The following RNF13 variants were observed in gnomAD, a reference collection of about 807,000 sequenced individuals.
RNF13 encodes E3 ubiquitin-protein ligase RNF13.
A neutral mutation model predicts 37.7 loss-of-function variants in RNF13; 19 were observed. The ratio of observed to expected loss-of-function variants is 0.50; its 90% CI spans 0.35 to 0.74. The LOEUF is 0.74. Ranked by LOEUF, RNF13 falls within the 30% of genes least tolerant of loss-of-function variation. RNF13 has a pLI of 0.01. For missense variants in RNF13, 375 were observed against 453.0 expected (o/e 0.83, Z 1.56); for synonymous variants, 144 against 157.8 (o/e 0.91, Z 0.65).
intron 1 of RNF13, among the ~76,000 whole-genome samples, chr3:149,835,634 T>TGTGA (rs140844470): frequency 7.8e-5 from 1 of 12,802 alleles, no homozygotes; most frequent in Non-Finnish European, 3.1e-4. Flanking sequence ...AGTATTCCAT[T>TGTGA]GTGTGTGTGT....
intron 6 of RNF13, among the ~76,000 whole-genome samples, chr3:149,906,404 A>G (rs1424748500): frequency 6.6e-6 from 1 of 152,146 alleles, no homozygotes; most frequent in East Asian, 1.9e-4. Context: ...CACTTTGAGG[A>G]ACTGCCAGAC....
chr3:149,872,472 T>C (rs982738387), intron 4 of RNF13, among the ~76,000 whole-genome samples: 5 of 152,226 alleles, frequency 3.3e-5, no homozygotes, highest in Admixed American at 6.5e-5. Flanking sequence ...TGTGTCTACA[T>C]TGTCATTGAG....
At chr3:149,815,189 T>C (rs1719305220) in intron 1 of RNF13, among the ~76,000 whole-genome samples, 2 of 152,178 alleles carry the variant, frequency 1.3e-5, no homozygotes, top group South Asian at 4.1e-4. Context: ...ATCAGAACTT[T>C]TACAGGCACT....
intron 7 of RNF13, among the ~76,000 whole-genome samples, chr3:149,915,282 T>A (rs1389409398): frequency 6.6e-6 from 1 of 152,190 alleles, no homozygotes; most frequent in African/African-American, 2.4e-5. Flanking sequence ...ATAGATTAAT[T>A]TTTTATACTT....
rs1722613350 is a variant in RNF13 at position 149,846,058 on chromosome 3, C to T, written c.32C>T (p.Ser11Leu). The T allele has an allele frequency of 6.2e-7, 1 of 1,612,134 alleles. No individual in the cohort carries two copies. Among genetic ancestry groups the T allele is most frequent in the South Asian group, 1.1e-5 (1 of 90,992 alleles). The stretch of plus-strand genomic sequence containing the variant: ...CTCTCCATAGGGATGCTCATGCTGT[C>T]AGCCACACAAGTCTACACCATCTTG... MLLSIGMLMLSATQVYTILTV... is the reference protein window; with the variant it reads MLLSIGMLMLLATQVYTILTV... The change falls in exon 2 of 10, where the codon TCA becomes TTA. Residue 11 changes from serine to leucine, a missense_variant. Ser to Leu is a moderately radical substitution (Grantham distance 145, BLOSUM62 -2). Coordinates refer to ENST00000392894, the MANE Select transcript of RNF13 (RefSeq NM_183381.3).
chr3:149,861,757 T>G (rs1170424206), intron 3 of RNF13, among the ~76,000 whole-genome samples: 1 of 152,162 alleles, frequency 6.6e-6, no homozygotes, highest in Admixed American at 6.5e-5. Flanking sequence ...ATGTATTAAG[T>G]ATATTTTGAA....
intron 8 of RNF13, among the ~76,000 whole-genome samples, chr3:149,953,319 T>C (rs1721522926): frequency 6.6e-6 from 1 of 152,236 alleles, no homozygotes. Flanking sequence ...AGTCATCTGA[T>C]TGTTTTAGCG....
At chr3:149,883,249 TC>T (rs201611628) in intron 4 of RNF13, among the ~76,000 whole-genome samples, 2,315 of 152,252 alleles carry the variant, frequency 0.015, 17 homozygotes, top group Non-Finnish European at 0.023. Flanking sequence ...AGCTCTTGAT[TC>T]TTTTTTTCCT....
At chr3:149,929,955 T>G (rs186900638) in intron 8 of RNF13, among the ~76,000 whole-genome samples, 7 of 152,332 alleles carry the variant, frequency 4.6e-5, no homozygotes, top group Non-Finnish European at 1.0e-4. Context: ...AAATGGAGTC[T>G]TGCTCTGTTG....
At chr3:149,927,383 A>G (rs572771861) in intron 8 of RNF13, among the ~76,000 whole-genome samples, 126 of 152,356 alleles carry the variant, frequency 8.3e-4, no homozygotes, top group African/African-American at 3.0e-3. Flanking sequence ...TTATTCATTC[A>G]TCTATTAGCG....
intron 8 of RNF13, among the ~76,000 whole-genome samples, chr3:149,950,853 G>A (rs1307534648): frequency 6.6e-6 from 1 of 152,098 alleles, no homozygotes; most frequent in African/African-American, 2.4e-5. Context: ...CCCAGAATTA[G>A]GTGGGACAAG....
rs532685377 is a variant in RNF13, at chr3:149,813,272, C to G, written c.-98C>G. 6.6e-6 allele frequency: 1 copy of G among 152,418 alleles called. No homozygotes were observed. The highest frequency in any genetic ancestry group is 1.5e-5 in the Non-Finnish European group (1 of 68,120). 9.4% of individuals were successfully genotyped at this position (152,418 alleles called of 1,614,324 possible). On this transcript the variant is annotated 5_prime_UTR_variant, in exon 1 of 10. Coordinates refer to ENST00000392894, the MANE Select transcript of RNF13 (RefSeq NM_183381.3). ...GGCTGTGGGGGTCGGTGCGGATATTCAGTCATGAAATCAGGGTAGGGACTT... is the reference window on the plus strand; with the variant it reads ...GGCTGTGGGGGTCGGTGCGGATATTGAGTCATGAAATCAGGGTAGGGACTT...
At chr3:149,928,242 A>G (rs1286207635) in intron 8 of RNF13, among the ~76,000 whole-genome samples, 3 of 152,072 alleles carry the variant, frequency 2.0e-5, no homozygotes, top group African/African-American at 7.2e-5. Context: ...CTAAGAATAC[A>G]CTGTCAAATC....
At chr3:149,902,299 C>A in intron 6 of RNF13, 137 bp downstream of exon 6, 1 of 459,582 alleles carries the variant, frequency 2.2e-6, no homozygotes. Context: ...AATCATTATG[C>A]TTTTAAGACG....
chr3:149,866,417 A>G lies in RNF13; in HGVS notation c.196-5612A>G, dbSNP rs546769853. Among the ~76,000 whole-genome samples the G allele has an allele frequency of 4.6e-5, 7 of 152,266 alleles. No individual in the cohort carries two copies. In the East Asian group the frequency reaches 1.4e-3, roughly 29 times the overall value. ...TGTAAAGTGTCATGGCGCTGGTGGG[A>G]GTGTAGCAGTGAGGAAGACCAGAGG... On this transcript the variant is annotated intron_variant, in intron 3 of 9. Transcript: ENST00000392894.
At chr3:149,856,058 A>G (rs1723615460) in intron 3 of RNF13, among the ~76,000 whole-genome samples, 1 of 151,968 alleles carries the variant, frequency 6.6e-6, no homozygotes, top group African/African-American at 2.4e-5. Context: ...TTACTGTGCT[A>G]CTATAAATTT....
intron 3 of RNF13, among the ~76,000 whole-genome samples, chr3:149,865,348 A>ATATATATATG (rs1327517532): frequency 3.4e-5 from 5 of 148,988 alleles, no homozygotes; most frequent in Admixed American, 2.0e-4. Context: ...ATATATATAT[A>ATATATATATG]TATGTATAAA....
At chr3:149,877,545 T>A (rs1345321967) in intron 4 of RNF13, among the ~76,000 whole-genome samples, 1 of 150,350 alleles carries the variant, frequency 6.7e-6, no homozygotes, top group Non-Finnish European at 1.5e-5. Flanking sequence ...CTTTCTAGAC[T>A]TACCTTTCAT....
At chr3:149,842,045 T>A (rs1722234288) in intron 1 of RNF13, among the ~76,000 whole-genome samples, 1 of 152,224 alleles carries the variant, frequency 6.6e-6, no homozygotes, top group Non-Finnish European at 1.5e-5. Flanking sequence ...TTTTCTCTCT[T>A]GACTTTTGTG....
Sources: gnomAD v4.1 joint callset for allele counts (sites outside exome capture counted in the v4.1 genomes callset) on GRCh38, gnomAD v4.1.1 for gene constraint, MANE v1.5 for transcripts, NCBI Gene and HGNC (gene_info 2026-07-23, HGNC 2026-07-21) for gene names.